IL1RAPL1: variants seen among roughly 807,000 people sequenced by gnomAD.
IL1RAPL1 encodes interleukin 1 receptor accessory protein like 1, also known as interleukin-1 receptor accessory protein-like 1.
In IL1RAPL1, 3 loss-of-function variants were observed where a neutral mutation model predicts 48.4. The observed-to-expected ratio is 0.06, with a 90% CI of 0.03 to 0.16. The LOEUF (loss-of-function observed/expected upper bound fraction) is 0.16. Ranked by LOEUF, IL1RAPL1 falls within the 10% of genes least tolerant of loss-of-function variation. The pLI is 1.00. For missense variants in IL1RAPL1, 349 were observed against 530.6 expected, an observed-to-expected ratio of 0.66 and a Z score of 3.36; for synonymous variants, 185 against 187.7, an observed-to-expected ratio of 0.99 and a Z score of 0.12.
At chrX:29,577,323 A>G (rs765594998) in intron 5 of IL1RAPL1, among the ~76,000 whole-genome samples, 1 of 111,910 alleles carries the variant, frequency 8.9e-6, no homozygotes, top group East Asian at 2.8e-4. Context: ...AGGATAAAGT[A>G]AAAAGCAATA....
At chrX:28,952,445 T>G (rs1283162911) in intron 2 of IL1RAPL1, among the ~76,000 whole-genome samples, 4 of 111,810 alleles carry the variant, frequency 3.6e-5, no homozygotes, top group Non-Finnish European at 7.6e-5. Context: ...CTTAATCTAC[T>G]TAAAACTTTT....
chrX:28,737,195 TTCTTTCTTTC>T (rs1333603838), intron 1 of IL1RAPL1, among the ~76,000 whole-genome samples: 30 of 92,697 alleles, frequency 3.2e-4, no homozygotes, highest in East Asian at 1.0e-3. Context: ...TCCTTTCTCT[TTCTTTCTTTC>T]TCTTTCTTTC....
intron 1 of IL1RAPL1, among the ~76,000 whole-genome samples, chrX:28,764,826 C>T (rs1389653625): frequency 9.1e-6 from 1 of 110,496 alleles, no homozygotes; most frequent in African/African-American, 3.3e-5. Flanking sequence ...CAAACACACA[C>T]ACACACACAC....
intron 5 of IL1RAPL1, among the ~76,000 whole-genome samples, chrX:29,534,885 C>T (rs1295905890): frequency 2.8e-5 from 3 of 108,723 alleles, no homozygotes; most frequent in Non-Finnish European, 5.7e-5. Context: ...AGGAGAATGG[C>T]GTGAACCCGG....
chrX:29,749,336 A>G (rs1928405626), intron 6 of IL1RAPL1, among the ~76,000 whole-genome samples: 1 of 112,439 alleles, frequency 8.9e-6, no homozygotes, highest in African/African-American at 3.2e-5. Flanking sequence ...TGTGGAACTG[A>G]AACATTATAT....
At chrX:28,876,904 TGAG>T (rs1391298085) in intron 2 of IL1RAPL1, among the ~76,000 whole-genome samples, 1 of 112,089 alleles carries the variant, frequency 8.9e-6, no homozygotes. Context: ...CTTGAAGGAA[TGAG>T]GAGTACAGAC....
chrX:29,563,894 A>G (rs775426672), intron 5 of IL1RAPL1, among the ~76,000 whole-genome samples: 2 of 112,132 alleles, frequency 1.8e-5, no homozygotes, highest in Admixed American at 1.9e-4. Context: ...TGAACACTTA[A>G]TATTATAAAT....
intron 6 of IL1RAPL1, among the ~76,000 whole-genome samples, chrX:29,906,312 G>GTGAT (rs1483233337): frequency 1.0e-5 from 1 of 97,409 alleles, no homozygotes. Context: ...TCCAGCCTGG[G>GTGAT]TGATAGAGCG....
intron 1 of IL1RAPL1, among the ~76,000 whole-genome samples, chrX:28,763,828 A>G (rs181216692): frequency 4.5e-5 from 5 of 111,098 alleles, no homozygotes; most frequent in Admixed American, 3.9e-4. Context: ...CCCTTAATCT[A>G]GTATTCCTCC....
rs184567382 is a variant in IL1RAPL1 at position 28,923,545 on chromosome X, T to C, written c.82+134120T>C. 6.3e-5 allele frequency among the ~76,000 whole-genome samples: 7 copies of C among 111,844 alleles called. No homozygotes were observed. The East Asian group carries it at 1.7e-3, about 27-fold the overall frequency. On this transcript the variant is annotated intron_variant, in intron 2 of 10. Transcript: ENST00000378993. ...ATTGAACTCTAGTGAATGATATGCC[T>C]GCTGAAGTGTTTTAAGGGTGAAGAG...
intron 2 of IL1RAPL1, among the ~76,000 whole-genome samples, chrX:28,901,366 T>C (rs1361734160): frequency 8.9e-6 from 1 of 112,372 alleles, no homozygotes; most frequent in Non-Finnish European, 1.9e-5. Context: ...ATTTGGGTAA[T>C]ACATATATTA....
intron 5 of IL1RAPL1, among the ~76,000 whole-genome samples, chrX:29,412,035 C>T (rs1205956603): frequency 1.8e-5 from 2 of 111,136 alleles, no homozygotes; most frequent in Non-Finnish European, 3.8e-5. Context: ...CTTTGGGAGG[C>T]CGAAGTGGGT....
intron 6 of IL1RAPL1, among the ~76,000 whole-genome samples, chrX:29,723,241 G>GTTTGTTTTGT (rs974867262): frequency 8.9e-6 from 1 of 111,733 alleles, no homozygotes; most frequent in African/African-American, 3.2e-5. Context: ...AACTCTGCAT[G>GTTTGTTTTGT]TTTGTTTTGT....
At chrX:28,843,524 A>G (rs1487836143) in intron 2 of IL1RAPL1, among the ~76,000 whole-genome samples, 3 of 111,730 alleles carry the variant, frequency 2.7e-5, no homozygotes, top group African/African-American at 9.7e-5. Context: ...ACAATTTACT[A>G]TGTCTCAATT....
At chrX:29,539,040 C>T (rs757088363) in intron 5 of IL1RAPL1, among the ~76,000 whole-genome samples, 31 of 111,120 alleles carry the variant, frequency 2.8e-4, no homozygotes, top group East Asian at 8.5e-4. Context: ...AGCATTCCTC[C>T]GTAACTCATT....
At chrX:29,820,003 CATT>C (rs2147182493) in intron 6 of IL1RAPL1, among the ~76,000 whole-genome samples, 1 of 105,665 alleles carries the variant, frequency 9.5e-6, no homozygotes, top group Non-Finnish European at 1.9e-5. Context: ...ATTATATAAA[CATT>C]ATTTTCATTT....
chrX:29,761,093 A>G (rs1221353817), intron 6 of IL1RAPL1, among the ~76,000 whole-genome samples: 3 of 112,119 alleles, frequency 2.7e-5, no homozygotes, highest in Admixed American at 9.5e-5. Flanking sequence ...GTACATTGCT[A>G]AGGATCTAGA....
At chrX:28,939,189 C>A (rs1052381473) in intron 2 of IL1RAPL1, among the ~76,000 whole-genome samples, 1 of 110,639 alleles carries the variant, frequency 9.0e-6, no homozygotes, top group Non-Finnish European at 1.9e-5. Flanking sequence ...TGGGTATATG[C>A]CCAAAGGAAT....
intron 1 of IL1RAPL1, among the ~76,000 whole-genome samples, chrX:28,681,995 C>CTCT (rs1935065316): frequency 8.9e-6 from 1 of 111,766 alleles, no homozygotes; most frequent in African/African-American, 3.3e-5. Flanking sequence ...TGCTTTCCGT[C>CTCT]TCTATGGTTT....
Sources: allele counts gnomAD v4.1 joint callset (sites outside exome capture counted in the v4.1 genomes callset), GRCh38; gene constraint gnomAD v4.1.1; transcripts MANE v1.5; gene names NCBI Gene and HGNC (gene_info 2026-07-23, HGNC 2026-07-21).